The following NTRK3 variants were observed in gnomAD, a reference collection of about 807,000 sequenced individuals.
NTRK3 encodes neurotrophic receptor tyrosine kinase 3, also known as NT-3 growth factor receptor.
A neutral mutation model predicts 91.7 loss-of-function variants in NTRK3; 24 were observed. The observed-to-expected ratio is 0.26, with a 90% CI of 0.19 to 0.37. The LOEUF is 0.37. Among genes scored for constraint, NTRK3 ranks in the 10% least tolerant of loss-of-function variants. The pLI is 1.00. For missense variants in NTRK3, 880 were observed against 1,068.9 expected (o/e 0.82, Z 2.46); for synonymous variants, 483 against 404.0 (o/e 1.20, Z -2.34).
chr15:87,961,062 C>A (rs1433453522), intron 14 of NTRK3, among the ~76,000 whole-genome samples: 1 of 152,190 alleles, frequency 6.6e-6, no homozygotes, highest in East Asian at 1.9e-4. Context: ...CCTTCACAGT[C>A]TGACTAATGC....
Position 88,063,217 on chromosome 15 carries a change from C to T in NTRK3, c.1397-30172G>A, listed in dbSNP as rs182518053. Among the ~76,000 whole-genome samples, 230 of 152,348 alleles carry T rather than the reference C, an allele frequency of 1.5e-3. 1 individual carries two copies. The highest frequency in any genetic ancestry group is 5.3e-3 in the African/African-American group (222 of 41,582). On this transcript the variant is annotated intron_variant, in intron 13 of 18. Transcript: ENST00000394480. ...GGAGCACATAGTGAGTGCTCCATAC[C>T]TGCCAGTGATGTCAACAATGACGAT...
chr15:88,084,349 C>T lies in NTRK3; in HGVS notation c.1396+41922G>A, dbSNP rs1286905860. ...AGAAAGAAGCAGGGTTAGGCTAGTT[C>T]AGGGTAAAATTGTTCTCCTGTTCAC... is the stretch of plus-strand genomic sequence containing the variant. On this transcript the variant is annotated intron_variant, in intron 13 of 18. Coordinates refer to ENST00000394480, the Ensembl canonical transcript of NTRK3. Among the ~76,000 whole-genome samples the T allele has an allele frequency of 2.0e-5, 3 of 152,152 alleles. No individual in the cohort carries two copies. In the East Asian group the frequency reaches 5.8e-4, roughly 29 times the overall value.
chr15:88,140,872 G>A (rs946163048), intron 6 of NTRK3, among the ~76,000 whole-genome samples: 2 of 152,138 alleles, frequency 1.3e-5, no homozygotes, highest in Non-Finnish European at 2.9e-5. Context: ...GGGAAAAACT[G>A]GAGAGAGGGA....
Position 87,877,132 on chromosome 15 carries a change from A to C in NTRK3, c.2293-12T>G, listed in dbSNP as rs1163532047. 6.2e-7 allele frequency: 1 copy of C among 1,613,590 alleles called. No homozygotes were observed. On this transcript the variant is annotated splice_polypyrimidine_tract_variant and intron_variant, in intron 18 of 18. Coordinates refer to ENST00000394480, the Ensembl canonical transcript of NTRK3. ...ATGCACTCAATGACCTGAAAGAGTG[A>C]GAAGAACAAGGAAGTTACACCCAAA...
At chr15:88,016,905 G>A (rs1288329752) in intron 14 of NTRK3, among the ~76,000 whole-genome samples, 1 of 144,924 alleles carries the variant, frequency 6.9e-6, no homozygotes, top group African/African-American at 2.6e-5. Context: ...TTATCCCAGG[G>A]AAGGGGAATA....
rs771941776 is a variant in NTRK3, at chr15:88,137,568, G to A, written c.465-7C>T. 30 of 1,613,174 alleles carry A rather than the reference G, an allele frequency of 1.9e-5. No homozygotes were observed. The highest frequency in any genetic ancestry group is 3.3e-4 in the Middle Eastern group (2 of 6,072). On this transcript the variant is annotated splice_polypyrimidine_tract_variant and splice_region_variant and intron_variant, in intron 6 of 18. Transcript: ENST00000394480. ...AAAGTTCTGCTCCAACTGCCTGTCGGCAAAGAGAGAGGGGAAGGGAACCTC... is the reference window on the plus strand; with the variant it reads ...AAAGTTCTGCTCCAACTGCCTGTCGACAAAGAGAGAGGGGAAGGGAACCTC...
chr15:88,105,251 C>A (rs2050579347), intron 13 of NTRK3, among the ~76,000 whole-genome samples: 1 of 152,218 alleles, frequency 6.6e-6, no homozygotes, highest in Non-Finnish European at 1.5e-5. Flanking sequence ...CTGCAGCTCT[C>A]CTAGGTGCTG....
chr15:87,966,262 A>G (rs967623188), intron 14 of NTRK3, among the ~76,000 whole-genome samples: 1 of 152,170 alleles, frequency 6.6e-6, no homozygotes, highest in African/African-American at 2.4e-5. Context: ...GCACACACAC[A>G]TGTCTAAAAT....
chr15:87,889,316 T>C (rs2065724344), intron 17 of NTRK3, among the ~76,000 whole-genome samples: 5 of 151,598 alleles, frequency 3.3e-5, no homozygotes, highest in Admixed American at 2.6e-4. Flanking sequence ...AGACCAGAGG[T>C]CAACAAATTA....
intron 13 of NTRK3, among the ~76,000 whole-genome samples, chr15:88,059,646 C>A (rs757807820): frequency 1.3e-5 from 2 of 152,112 alleles, no homozygotes; most frequent in Non-Finnish European, 2.9e-5. Flanking sequence ...TAACACCCAT[C>A]GTGTGTGCAG....
chr15:87,967,078 AC>A (rs1223427837), intron 14 of NTRK3, among the ~76,000 whole-genome samples: 2 of 152,232 alleles, frequency 1.3e-5, no homozygotes, highest in African/African-American at 4.8e-5. Context: ...CAACTGACTC[AC>A]TTAGTAGCAG....
intron 13 of NTRK3, among the ~76,000 whole-genome samples, chr15:88,038,353 A>C (rs1474888139): frequency 2.0e-5 from 3 of 152,214 alleles, no homozygotes; most frequent in Non-Finnish European, 4.4e-5. Context: ...TACATTCCTT[A>C]AAAGAAAACC....
At chr15:87,938,019 A>G (rs1381603906) in intron 15 of NTRK3, among the ~76,000 whole-genome samples, 1 of 152,034 alleles carries the variant, frequency 6.6e-6, no homozygotes, top group East Asian at 1.9e-4. Flanking sequence ...TCCTCTGCAA[A>G]GGAAGGGGGT....
intron 13 of NTRK3, among the ~76,000 whole-genome samples, chr15:88,075,842 C>G (rs775533252): frequency 7.2e-5 from 11 of 152,168 alleles, no homozygotes; most frequent in Non-Finnish European, 1.2e-4. Context: ...TGACCATGTG[C>G]CTGGGGACAA....
At chr15:88,011,330 G>C (rs1028796813) in intron 14 of NTRK3, among the ~76,000 whole-genome samples, 2 of 152,116 alleles carry the variant, frequency 1.3e-5, no homozygotes, top group Non-Finnish European at 2.9e-5. Flanking sequence ...AAATAGACAG[G>C]ATTTAAGAAA....
At chr15:87,965,866 T>C (rs1261612905) in intron 14 of NTRK3, among the ~76,000 whole-genome samples, 1 of 152,066 alleles carries the variant, frequency 6.6e-6, no homozygotes, top group Non-Finnish European at 1.5e-5. Flanking sequence ...TCACTTGAGA[T>C]CAGGAGTTTG....
At chr15:88,038,721 A>T (rs770016951) in intron 13 of NTRK3, among the ~76,000 whole-genome samples, 1 of 152,216 alleles carries the variant, frequency 6.6e-6, no homozygotes, top group Non-Finnish European at 1.5e-5. Context: ...CTAAAAGACA[A>T]AAATTTTAAA....
chr15:87,968,134 T>C (rs1482768221), intron 14 of NTRK3, among the ~76,000 whole-genome samples: 1 of 152,220 alleles, frequency 6.6e-6, no homozygotes, highest in Non-Finnish European at 1.5e-5. Context: ...AGTTGTCCAG[T>C]GGTTTCCAGA....
chr15:88,106,070 G>A (rs2050675376), intron 13 of NTRK3, among the ~76,000 whole-genome samples: 1 of 152,246 alleles, frequency 6.6e-6, no homozygotes, highest in Non-Finnish European at 1.5e-5. Context: ...CAAGGATTCT[G>A]TTGTCAAGAT....
Sources: gnomAD v4.1 joint callset for allele counts (sites outside exome capture counted in the v4.1 genomes callset) on GRCh38, gnomAD v4.1.1 for gene constraint, MANE v1.5 for transcripts, NCBI Gene and HGNC (gene_info 2026-07-23, HGNC 2026-07-21) for gene names.